PRCC: variants seen among roughly 807,000 people sequenced by gnomAD.
PRCC encodes the protein proline-rich protein PRCC.
A neutral mutation model predicts 44.0 loss-of-function variants in PRCC; 10 were observed. The observed-to-expected ratio is 0.23, with a 90% CI of 0.14 to 0.39. The LOEUF (loss-of-function observed/expected upper bound fraction) is 0.39, where lower values mean the gene tolerates loss of function less well. PRCC is among the 10% of genes least tolerant of loss of function. The pLI, the probability that PRCC is intolerant of heterozygous loss-of-function variation, is 1.00. For synonymous variants in PRCC, 278 were observed against 259.5 expected, an observed-to-expected ratio of 1.07 and a Z score of -0.69; for missense variants, 573 against 624.7, an observed-to-expected ratio of 0.92 and a Z score of 0.88.
At chr1:156,793,763 A>G (rs887638145) in intron 4 of PRCC, among the ~76,000 whole-genome samples, 3 of 151,748 alleles carry the variant, frequency 2.0e-5, no homozygotes, top group Non-Finnish European at 4.4e-5. Flanking sequence ...TTTCCCAGGG[A>G]CCACAGGCAC....
At chr1:156,781,834 G>A (rs115028503) in intron 1 of PRCC, among the ~76,000 whole-genome samples, 1 of 152,208 alleles carries the variant, frequency 6.6e-6, no homozygotes, top group African/African-American at 2.4e-5. Context: ...CCAGCCTTGT[G>A]GTTATGTAGT....
chr1:156,771,921 G>A (rs1005696721), intron 1 of PRCC, among the ~76,000 whole-genome samples: 13 of 152,056 alleles, frequency 8.5e-5, no homozygotes, highest in Middle Eastern at 6.9e-3. Flanking sequence ...CTACACAGCT[G>A]TTCTTTGCAC....
intron 5 of PRCC, among the ~76,000 whole-genome samples, chr1:156,795,641 G>C (rs1160352281): frequency 6.6e-6 from 1 of 152,080 alleles, no homozygotes; most frequent in East Asian, 1.9e-4. Context: ...TTGAGGTGTG[G>C]GCACAACAGC....
chr1:156,791,892 A>G (rs1652486970), intron 4 of PRCC, 100 bp downstream of exon 4: 2 of 1,092,958 alleles, frequency 1.8e-6, no homozygotes, highest in East Asian at 2.4e-5. Flanking sequence ...CACAAAAGAC[A>G]AAACTGTATC....
At chr1:156,773,718 TAAAC>T (rs1651716138) in intron 1 of PRCC, among the ~76,000 whole-genome samples, 1 of 152,172 alleles carries the variant, frequency 6.6e-6, no homozygotes, top group African/African-American at 2.4e-5. Context: ...CTCAAAAGGT[TAAAC>T]AAACAGAATG....
rs1325730232 is a variant in PRCC at position 156,774,772 on chromosome 1, T to C, written c.468+6533T>C. On this transcript the variant is annotated intron_variant, in intron 1 of 6. Coordinates refer to ENST00000271526, the MANE Select transcript of PRCC (RefSeq NM_005973.5). ...TTCAAGACCAGCCTGGCCAAGATGG[T>C]GAAACCCCATCTCTACTAAAAATAT... 2.6e-5 allele frequency among the ~76,000 whole-genome samples: 4 copies of C among 151,596 alleles called. No individual in the cohort carries two copies. The East Asian group carries it at 7.9e-4, about 30-fold the overall frequency.
intron 1 of PRCC, among the ~76,000 whole-genome samples, chr1:156,772,333 C>A (rs993852253): frequency 2.0e-5 from 3 of 152,214 alleles, no homozygotes; most frequent in Non-Finnish European, 2.9e-5. Context: ...TGATTTGGGT[C>A]ATATTATCCA....
chr1:156,782,943 T>G (rs1417471504), intron 2 of PRCC, among the ~76,000 whole-genome samples: 1 of 152,158 alleles, frequency 6.6e-6, no homozygotes, highest in Non-Finnish European at 1.5e-5. Context: ...TTCGCTCTTG[T>G]TGCCCAGGCT....
Position 156,786,954 on chromosome 1 carries a change from T to C in PRCC, c.863T>C (p.Val288Ala). Reference sequence around the variant, plus strand: ...CCTGAAAAGGCTGAGCCACCTGGAGTTGAGCCATACCCTTACCCCATCCCC... The same window carrying C: ...CCTGAAAAGGCTGAGCCACCTGGAGCTGAGCCATACCCTTACCCCATCCCC... ...SLPEKAEPPG[V>A]EPYPYPIPTV... The change falls in exon 3 of 7, where the codon GTT becomes GCT. Residue 288 changes from valine to alanine, a missense_variant. This residue lies in a region of PRCC where 141 missense variants were observed against 130.2 expected (regional missense o/e 1.08). Coordinates refer to ENST00000271526, the MANE Select transcript of PRCC (RefSeq NM_005973.5). 1 of 1,613,860 alleles carries C rather than the reference T, an allele frequency of 6.2e-7. No homozygotes were observed. The highest frequency in any genetic ancestry group is 8.5e-7 in the Non-Finnish European group (1 of 1,179,970).
chr1:156,770,953 A>G (rs1651611813), intron 1 of PRCC, among the ~76,000 whole-genome samples: 1 of 152,226 alleles, frequency 6.6e-6, no homozygotes, highest in African/African-American at 2.4e-5. Flanking sequence ...GGAGCTTATG[A>G]TCTACTGGAG....
chr1:156,795,229 C>T (rs892494620), intron 5 of PRCC, among the ~76,000 whole-genome samples: 3 of 146,540 alleles, frequency 2.0e-5, no homozygotes, highest in African/African-American at 7.6e-5. Context: ...CCTTCCCTCC[C>T]TCCCTCCTTT....
chr1:156,792,451 T>G (rs1003684803), intron 4 of PRCC, among the ~76,000 whole-genome samples: 3 of 152,076 alleles, frequency 2.0e-5, no homozygotes, highest in Non-Finnish European at 4.4e-5. Context: ...TTTTTTGTTT[T>G]TTGTTTGTTT....
intron 1 of PRCC, among the ~76,000 whole-genome samples, chr1:156,776,073 G>C (rs1436469595): frequency 6.6e-6 from 1 of 152,214 alleles, no homozygotes; most frequent in Non-Finnish European, 1.5e-5. Context: ...AGATGTTCGG[G>C]CTGGGTGTGC....
At chr1:156,795,285 G>GTTTTTTTCTTTTTTTT (rs1652623678) in intron 5 of PRCC, among the ~76,000 whole-genome samples, 1 of 36,054 alleles carries the variant, frequency 2.8e-5, no homozygotes, top group Non-Finnish European at 4.3e-5. Context: ...ATTTTCTGGT[G>GTTTTTTTCTTTTTTTT]TTTTTTTTTT....
intron 1 of PRCC, among the ~76,000 whole-genome samples, chr1:156,769,753 C>T (rs1024147993): frequency 2.2e-4 from 34 of 152,138 alleles, no homozygotes; most frequent in Non-Finnish European, 3.2e-4. Context: ...GCGCCCGCCG[C>T]CACGCCTGGC....
chr1:156,794,953 A>C, intron 5 of PRCC, 145 bp downstream of exon 5: 5 of 977,378 alleles, frequency 5.1e-6, no homozygotes, highest in Non-Finnish European at 6.0e-6. Flanking sequence ...TGGAGTATGC[A>C]CTAAACCTCA....
chr1:156,773,389 T>C (rs142614018), intron 1 of PRCC, among the ~76,000 whole-genome samples: 148 of 152,224 alleles, frequency 9.7e-4, no homozygotes, highest in African/African-American at 3.4e-3. Flanking sequence ...TCGGGGTATG[T>C]GTGTCTTGTC....
chr1:156,789,759 C>A (rs1354443281), intron 3 of PRCC, among the ~76,000 whole-genome samples: 1 of 152,156 alleles, frequency 6.6e-6, no homozygotes, highest in Non-Finnish European at 1.5e-5. Flanking sequence ...CAGAGCAACT[C>A]AAAGCGTTGC....
chr1:156,768,479 C>T (rs16837644), intron 1 of PRCC, among the ~76,000 whole-genome samples: 10,328 of 152,268 alleles, frequency 0.068, 643 homozygotes, highest in African/African-American at 0.15. Context: ...GTCATCATCA[C>T]CTGGTACTGA....
Sources: allele counts gnomAD v4.1 joint callset (sites outside exome capture counted in the v4.1 genomes callset), GRCh38; gene constraint gnomAD v4.1.1; regional missense constraint gnomAD v4.1.1; transcripts MANE v1.5; gene names NCBI Gene and HGNC (gene_info 2026-07-23, HGNC 2026-07-21).